LRRC8C: variants seen among roughly 807,000 people sequenced by gnomAD.
LRRC8C encodes the protein volume-regulated anion channel subunit LRRC8C.
A neutral mutation model predicts 55.3 loss-of-function variants in LRRC8C; 20 were observed. The ratio of observed to expected loss-of-function variants is 0.36; its 90% CI spans 0.25 to 0.53. The LOEUF (loss-of-function observed/expected upper bound fraction) is 0.53, where lower values mean the gene tolerates loss of function less well. LRRC8C is among the 20% of genes least tolerant of loss of function. The pLI, the probability that LRRC8C is intolerant of heterozygous loss-of-function variation, is 0.92. For synonymous variants in LRRC8C, 376 were observed against 360.7 expected, an observed-to-expected ratio of 1.04 and a Z score of -0.48; for missense variants, 659 against 951.4, an observed-to-expected ratio of 0.69 and a Z score of 4.04.
At chr1:89,673,355 C>T (rs1307075106) in intron 1 of LRRC8C, among the ~76,000 whole-genome samples, 3 of 152,118 alleles carry the variant, frequency 2.0e-5, no homozygotes, top group Non-Finnish European at 2.9e-5. Flanking sequence ...TACTAGACTT[C>T]CATAGGTTTT....
intron 1 of LRRC8C, among the ~76,000 whole-genome samples, chr1:89,637,503 A>G (rs1289511647): frequency 1.3e-5 from 2 of 151,610 alleles, no homozygotes; most frequent in African/African-American, 4.8e-5. Flanking sequence ...AATAAAATGG[A>G]AGAGGTAAAA....
In LRRC8C at chr1:89,714,871, C is replaced by A. The variant is rs370250439; in HGVS notation, c.2301C>A (p.Leu767=). The A allele has an allele frequency of 1.2e-6, 2 of 1,614,162 alleles. No individual in the cohort carries two copies. Among genetic ancestry groups the A allele is most frequent in the African/African-American group, 1.3e-5 (1 of 75,054 alleles). The change falls in exon 3 of 3, where the codon CTC becomes CTA. Residue 767 remains leucine, a synonymous_variant. Coordinates refer to ENST00000370454, the MANE Select transcript of LRRC8C (RefSeq NM_032270.5). This position sits in a 1 kb window ranked among gnomAD's most constrained non-coding sequence, Gnocchi z 4.6. ...LDVKGNHFEI[L]PPELGDCRAL... ...TAAAAGGTAATCACTTTGAAATCCT[C>A]CCTCCTGAACTGGGTGACTGTCGGG...
At chr1:89,659,890 A>G (rs145400448) in intron 1 of LRRC8C, among the ~76,000 whole-genome samples, 38 of 152,242 alleles carry the variant, frequency 2.5e-4, no homozygotes, top group African/African-American at 8.9e-4. Flanking sequence ...CCCTTACAGA[A>G]TTTACAGTGT....
intron 1 of LRRC8C, among the ~76,000 whole-genome samples, chr1:89,659,139 C>A (rs936194071): frequency 7.9e-5 from 11 of 139,756 alleles, no homozygotes; most frequent in Non-Finnish European, 3.0e-5. Flanking sequence ...GTTACCCAGT[C>A]TGGTCTCAAA....
chr1:89,679,848 C>G (rs1029324796), intron 1 of LRRC8C, among the ~76,000 whole-genome samples: 2 of 152,182 alleles, frequency 1.3e-5, no homozygotes, highest in Non-Finnish European at 2.9e-5. Flanking sequence ...TAACTCTACC[C>G]ACCTGATAGC....
At position 89,648,462 on chromosome 1, in the gene LRRC8C, G is replaced by T. The variant is rs148408810; in HGVS notation, c.-5+15140G>T. 5.1e-4 allele frequency among the ~76,000 whole-genome samples: 77 copies of T among 152,230 alleles called. 1 individual carries two copies. Among genetic ancestry groups the T allele is most frequent in the South Asian group, 1.5e-3 (7 of 4,814 alleles). On this transcript the variant is annotated intron_variant, in intron 1 of 2. Transcript: ENST00000370454. ...TAGTATAAATAATAACCAACCATCT[G>T]ACCTATGAGACAAATATAAGGAAGT...
At chr1:89,687,100 A>G (rs539509160) in intron 2 of LRRC8C, among the ~76,000 whole-genome samples, 6 of 152,350 alleles carry the variant, frequency 3.9e-5, no homozygotes, top group South Asian at 4.1e-4. Context: ...GATGCCATGT[A>G]TTTATGTATT....
intron 1 of LRRC8C, among the ~76,000 whole-genome samples, chr1:89,665,529 G>A (rs977270942): frequency 1.3e-5 from 2 of 151,982 alleles, no homozygotes; most frequent in Non-Finnish European, 2.9e-5. Flanking sequence ...TAATTTAATA[G>A]CAAAAAACTT....
In LRRC8C at chr1:89,717,877, G is replaced by T. The variant is rs1024383020; in HGVS notation, c.*2895G>T. 2 of 152,128 alleles carry T rather than the reference G, an allele frequency of 1.3e-5. No homozygotes were observed. The highest frequency in any genetic ancestry group is 4.8e-5 in the African/African-American group (2 of 41,446). 9.4% of individuals were successfully genotyped at this position (152,128 alleles called of 1,614,324 possible). ...ATCTCTATAGGACTCATGAGAGATT[G>T]CTTGTGTAAATATAAAAGCACCATA... On this transcript the variant is annotated 3_prime_UTR_variant, in exon 3 of 3. Transcript: ENST00000370454.
intron 1 of LRRC8C, among the ~76,000 whole-genome samples, chr1:89,638,065 A>C (rs1407985065): frequency 6.6e-6 from 1 of 152,200 alleles, no homozygotes; most frequent in Non-Finnish European, 1.5e-5. Context: ...AAAAATGTTA[A>C]AGCTTAGGGA....
At chr1:89,672,903 G>A (rs1385377715) in intron 1 of LRRC8C, among the ~76,000 whole-genome samples, 1 of 151,898 alleles carries the variant, frequency 6.6e-6, no homozygotes, top group Non-Finnish European at 1.5e-5. Context: ...ATGGGTCATT[G>A]GAAAAGAAGA....
At chr1:89,701,491 AAAG>A (rs1387722401) in intron 2 of LRRC8C, among the ~76,000 whole-genome samples, 6 of 151,804 alleles carry the variant, frequency 4.0e-5, no homozygotes, top group Non-Finnish European at 5.9e-5. Context: ...AAAAAAAAAA[AAAG>A]AAAGAAAGAA....
At chr1:89,619,468 AC>A in the LRRC8C span, among the ~76,000 whole-genome samples, 1 of 149,700 alleles carries the variant, frequency 6.7e-6, no homozygotes, top group Non-Finnish European at 1.5e-5. Flanking sequence ...AATCAAATAA[AC>A]TTTTTATATA....
the LRRC8C span, among the ~76,000 whole-genome samples, chr1:89,619,626 T>A: frequency 6.6e-6 from 1 of 151,722 alleles, no homozygotes; most frequent in South Asian, 2.1e-4. Flanking sequence ...TAATTAAAAA[T>A]TTGAAGAAAG....
At position 89,697,693 on chromosome 1, in the gene LRRC8C, A is replaced by G. The variant is rs1370627941; in HGVS notation, c.138+11082A>G. 2.6e-5 allele frequency among the ~76,000 whole-genome samples: 4 copies of G among 152,208 alleles called. No homozygotes were observed. The East Asian group carries it at 7.7e-4, about 29-fold the overall frequency. On this transcript the variant is annotated intron_variant, in intron 2 of 2. Transcript: ENST00000370454. Reference sequence around the variant, plus strand: ...GATCTTAAATTGCCATGGATCAAATAATTCACTGGTCTTTATGGCTTATGG... The same window carrying G: ...GATCTTAAATTGCCATGGATCAAATGATTCACTGGTCTTTATGGCTTATGG...
At chr1:89,667,715 A>T (rs987646259) in intron 1 of LRRC8C, among the ~76,000 whole-genome samples, 1 of 152,164 alleles carries the variant, frequency 6.6e-6, no homozygotes, top group African/African-American at 2.4e-5. Flanking sequence ...AAAGAGCTAA[A>T]ACTTTAAAGT....
upstream of LRRC8C, among the ~76,000 whole-genome samples, chr1:89,628,719 T>C (rs1332780772): frequency 2.6e-5 from 4 of 152,204 alleles, no homozygotes; most frequent in East Asian, 1.9e-4. Flanking sequence ...AGGTATGGGG[T>C]AGGACCCCCT....
chr1:89,623,737 A>G, the LRRC8C span, among the ~76,000 whole-genome samples: 1 of 152,094 alleles, frequency 6.6e-6, no homozygotes, highest in Non-Finnish European at 1.5e-5. Flanking sequence ...AAAAAGAAAA[A>G]TGCCACAACA....
In LRRC8C at chr1:89,719,389, A is replaced by G. The variant is rs1658910198; in HGVS notation, c.*4407A>G. On this transcript the variant is annotated 3_prime_UTR_variant, in exon 3 of 3. Coordinates refer to ENST00000370454, the MANE Select transcript of LRRC8C (RefSeq NM_032270.5). ...TGTTTACTCTGTCTGTATGTATGTC[A>G]AAAGCTGGCAAAACCTCTAAAACTG... is the stretch of plus-strand genomic sequence containing the variant. 6.6e-6 allele frequency: 1 copy of G among 152,150 alleles called. No homozygotes were observed. Among genetic ancestry groups the G allele is most frequent in the Non-Finnish European group, 1.5e-5 (1 of 68,022 alleles). The allele number at this position is 152,150 out of a possible 1,614,324, so 9.4% of individuals were successfully genotyped here.
Sources: gnomAD v4.1 joint callset for allele counts (sites outside exome capture counted in the v4.1 genomes callset) on GRCh38, gnomAD v4.1.1 for gene constraint, Gnocchi (gnomAD v3.1) non-coding constraint, MANE v1.5 for transcripts, NCBI Gene and HGNC (gene_info 2026-07-23, HGNC 2026-07-21) for gene names.